The following NBAS variants were observed in gnomAD, a reference collection of about 807,000 sequenced individuals.
NBAS encodes the protein NAG/BC035112 fusion.
A neutral mutation model predicts 302.5 loss-of-function variants in NBAS; 219 were observed. The ratio of observed to expected loss-of-function variants is 0.72; its 90% CI spans 0.65 to 0.81. NBAS has a LOEUF of 0.81. Among genes scored for constraint, NBAS ranks in the 30% least tolerant of loss-of-function variants. The pLI is 0.00. For synonymous variants in NBAS, 1,118 were observed against 1,021.6 expected (o/e 1.09, Z -1.80); for missense variants, 2,932 against 2,841.6 (o/e 1.03, Z -0.72).
chr2:15,418,779 AAAG>A (rs1230652783), intron 23 of NBAS, among the ~76,000 whole-genome samples: 1 of 152,188 alleles, frequency 6.6e-6, no homozygotes, highest in East Asian at 1.9e-4. Flanking sequence ...ACGTGACTGA[AAAG>A]AAGGTGTGAG....
At chr2:15,494,851 A>C (rs1397312841) in intron 11 of NBAS, among the ~76,000 whole-genome samples, 2 of 152,178 alleles carry the variant, frequency 1.3e-5, no homozygotes, top group African/African-American at 4.8e-5. Flanking sequence ...GTGCACCTCC[A>C]CTTGAAATCT....
the NBAS span, among the ~76,000 whole-genome samples, chr2:15,095,473 G>A: frequency 1.3e-5 from 2 of 152,208 alleles, no homozygotes; most frequent in African/African-American, 4.8e-5. Context: ...CAGTATGGAA[G>A]AAATCACTCC....
chr2:14,797,089 C>T, the NBAS span, among the ~76,000 whole-genome samples: 3 of 97,436 alleles, frequency 3.1e-5, no homozygotes, highest in Non-Finnish European at 5.7e-5. Context: ...AGCGAGACTC[C>T]GTCTCAAAAA....
At chr2:15,044,994 G>C in the NBAS span, among the ~76,000 whole-genome samples, 1 of 152,204 alleles carries the variant, frequency 6.6e-6, no homozygotes, top group Non-Finnish European at 1.5e-5. Context: ...CTAAGGGATG[G>C]TGTATCAAAA....
At chr2:15,163,692 G>C (rs1445131339), downstream of NBAS, among the ~76,000 whole-genome samples, 3 of 152,086 alleles carry the variant, frequency 2.0e-5, no homozygotes, top group African/African-American at 7.2e-5. Flanking sequence ...TGACAAATCT[G>C]CACACACCTT....
chr2:14,805,482 G>C, the NBAS span, among the ~76,000 whole-genome samples: 1 of 152,144 alleles, frequency 6.6e-6, no homozygotes, highest in African/African-American at 2.4e-5. Flanking sequence ...GAAAGAAATA[G>C]GTTAGTGATA....
chr2:15,254,483 T>G (rs1668497575), intron 44 of NBAS, among the ~76,000 whole-genome samples: 1 of 152,194 alleles, frequency 6.6e-6, no homozygotes, highest in Admixed American at 6.5e-5. Flanking sequence ...AGTGACTGGA[T>G]AACAAACTTC....
intron 26 of NBAS, among the ~76,000 whole-genome samples, chr2:15,401,033 T>C (rs1676125231): frequency 6.6e-6 from 1 of 152,096 alleles, no homozygotes; most frequent in African/African-American, 2.4e-5. Context: ...GTACTTCATA[T>C]TGGATCACAT....
the NBAS span, among the ~76,000 whole-genome samples, chr2:14,800,490 C>A: frequency 2.0e-5 from 3 of 152,174 alleles, no homozygotes; most frequent in Non-Finnish European, 4.4e-5. Flanking sequence ...TCAGGTATGT[C>A]TTTATCAGCA....
chr2:15,439,677 C>T (rs978698545), intron 21 of NBAS, among the ~76,000 whole-genome samples: 7 of 152,092 alleles, frequency 4.6e-5, no homozygotes, highest in Non-Finnish European at 8.8e-5. Context: ...TGCAGCGCGC[C>T]GTGCACAAGC....
At chr2:14,896,535 C>G in the NBAS span, among the ~76,000 whole-genome samples, 17 of 152,116 alleles carry the variant, frequency 1.1e-4, no homozygotes, top group African/African-American at 4.1e-4. Flanking sequence ...ATCCTAAGCG[C>G]AAGGAACCAA....
the NBAS span, among the ~76,000 whole-genome samples, chr2:14,858,235 T>C: frequency 1.3e-5 from 2 of 152,130 alleles, no homozygotes; most frequent in South Asian, 2.1e-4. Context: ...GTACAACCAC[T>C]ATGGAGAACA....
intron 41 of NBAS, among the ~76,000 whole-genome samples, chr2:15,288,973 T>C (rs911510487): frequency 6.6e-6 from 1 of 152,242 alleles, no homozygotes; most frequent in African/African-American, 2.4e-5. Flanking sequence ...TTAAAACAAA[T>C]GCTAAAACCA....
At chr2:15,117,405 G>A in the NBAS span, among the ~76,000 whole-genome samples, 1 of 152,138 alleles carries the variant, frequency 6.6e-6, no homozygotes, top group African/African-American at 2.4e-5. Context: ...TCCTGTTCAG[G>A]TCCTGTTCAG....
chr2:14,967,284 G>C, the NBAS span, among the ~76,000 whole-genome samples: 1 of 151,944 alleles, frequency 6.6e-6, no homozygotes, highest in Non-Finnish European at 1.5e-5. Flanking sequence ...TTTTTTTATA[G>C]AAAGCCAGTT....
intron 15 of NBAS, 102 bp from the exon 16 acceptor site, chr2:15,473,449 G>A: frequency 1.4e-6 from 2 of 1,432,930 alleles, no homozygotes; most frequent in Non-Finnish European, 1.9e-6. Flanking sequence ...GACTTATCCA[G>A]CATGTCACTA....
At chr2:14,872,804 T>A in the NBAS span, among the ~76,000 whole-genome samples, 1 of 152,140 alleles carries the variant, frequency 6.6e-6, no homozygotes, top group Non-Finnish European at 1.5e-5. Context: ...GCAGTCTTGC[T>A]GACTTCACGA....
intron 10 of NBAS, among the ~76,000 whole-genome samples, chr2:15,508,098 G>A (rs1006298321): frequency 4.6e-5 from 7 of 152,192 alleles, no homozygotes; most frequent in African/African-American, 1.7e-4. Flanking sequence ...TATGCAGAAT[G>A]ATTTCAAGTT....
chr2:15,371,686 GTCA>G (rs1414000514), intron 31 of NBAS, among the ~76,000 whole-genome samples: 2 of 152,260 alleles, frequency 1.3e-5, no homozygotes, highest in Admixed American at 1.3e-4. Context: ...GCCCTGTAAA[GTCA>G]TAGAATGTGC....
Sources: gnomAD v4.1 joint callset for allele counts (sites outside exome capture counted in the v4.1 genomes callset) on GRCh38, gnomAD v4.1.1 for gene constraint, MANE v1.5 for transcripts, NCBI Gene and HGNC (gene_info 2026-07-23, HGNC 2026-07-21) for gene names.